GRM3: variants seen among roughly 807,000 people sequenced by gnomAD.
GRM3 encodes the protein glutamate metabotropic receptor 3, also known as metabotropic glutamate receptor 3.
GRM3 carries 26 observed loss-of-function variants against 70.5 expected under a neutral mutation model. That is an observed-to-expected ratio of 0.37 (90% CI 0.27 to 0.51). The LOEUF (loss-of-function observed/expected upper bound fraction) is 0.51, where lower values mean the gene tolerates loss of function less well. GRM3 is among the 20% of genes least tolerant of loss of function. The probability of loss-of-function intolerance (pLI) is 0.93; values close to 1 mark genes in which losing one functional copy is unlikely to be tolerated. For synonymous variants in GRM3, 443 were observed against 434.9 expected (o/e 1.02, Z -0.23); for missense variants, 859 against 1,123.8 (o/e 0.76, Z 3.37).
At chr7:86,862,773 G>A (rs1160864285) in intron 5 of GRM3, among the ~76,000 whole-genome samples, 1 of 152,166 alleles carries the variant, frequency 6.6e-6, no homozygotes, top group Non-Finnish European at 1.5e-5. Flanking sequence ...CCCAAGTATA[G>A]TGAATGCTCC....
At position 86,644,800 on chromosome 7, in the gene GRM3, C is replaced by G. The variant is rs1367697854; in HGVS notation, c.-213C>G. 24 of 1,289,496 alleles carry G rather than the reference C, an allele frequency of 1.9e-5. No individual in the cohort carries two copies. Among genetic ancestry groups the G allele is most frequent in the Non-Finnish European group, 2.4e-5 (24 of 988,692 alleles). The allele number at this position is 1,289,496 out of a possible 1,614,324, so 79.9% of individuals were successfully genotyped here. On this transcript the variant is annotated 5_prime_UTR_variant, in exon 1 of 6. Transcript: ENST00000361669. ...GAGGAGGACCAACCATGAGCCAGAGCCCGGGTGCAGGCTCACCGCCGCCGC... is the reference window on the plus strand; with the variant it reads ...GAGGAGGACCAACCATGAGCCAGAGGCCGGGTGCAGGCTCACCGCCGCCGC...
At chr7:86,816,473 C>T (rs1004911819) in intron 3 of GRM3, among the ~76,000 whole-genome samples, 4 of 151,676 alleles carry the variant, frequency 2.6e-5, no homozygotes, top group Admixed American at 6.6e-5. Context: ...AGGCCCAGTA[C>T]CTGTTGTTTT....
intron 1 of GRM3, among the ~76,000 whole-genome samples, chr7:86,761,971 A>T (rs1379687105): frequency 6.6e-6 from 1 of 152,146 alleles, no homozygotes; most frequent in Non-Finnish European, 1.5e-5. Flanking sequence ...CATTCAAAAG[A>T]TGTCTACACT....
At chr7:86,832,851 G>A (rs558128675) in intron 3 of GRM3, among the ~76,000 whole-genome samples, 74 of 152,202 alleles carry the variant, frequency 4.9e-4, no homozygotes, top group African/African-American at 1.7e-3. Flanking sequence ...AAGCTAACCC[G>A]AGAAATGATT....
chr7:86,698,552 TATTATATATATA>T (rs1253055052), intron 1 of GRM3, among the ~76,000 whole-genome samples: 2 of 140,416 alleles, frequency 1.4e-5, no homozygotes, highest in Non-Finnish European at 3.0e-5. Flanking sequence ...TACACATTAT[TATTATATATATA>T]ATTATATATA....
intron 5 of GRM3, among the ~76,000 whole-genome samples, chr7:86,860,990 C>A (rs904703421): frequency 6.6e-6 from 1 of 152,156 alleles, no homozygotes; most frequent in African/African-American, 2.4e-5. Flanking sequence ...ACACATTATT[C>A]CTCTTCAATC....
intron 1 of GRM3, among the ~76,000 whole-genome samples, chr7:86,688,506 A>G (rs1794618552): frequency 6.6e-6 from 1 of 151,672 alleles, no homozygotes; most frequent in Non-Finnish European, 1.5e-5. Flanking sequence ...CAAAAAGTTG[A>G]AAGAACTAAA....
Position 86,765,115 on chromosome 7 carries a change from G to A in GRM3, c.-31G>A. ...AGCATGACACATTGGCTCCACCATT[G>A]ATATCTCCCAGAGGTACAGAAACAG... On this transcript the variant is annotated 5_prime_UTR_variant, in exon 2 of 6. It removes the in-frame stop codon of an upstream open reading frame in the 5' UTR. Coordinates refer to ENST00000361669, the MANE Select transcript of GRM3 (RefSeq NM_000840.3). 2.0e-6 allele frequency: 3 copies of A among 1,531,760 alleles called. No individual in the cohort carries two copies. Among genetic ancestry groups the A allele is most frequent in the Non-Finnish European group, 2.6e-6 (3 of 1,146,074 alleles). The allele number at this position is 1,531,760 out of a possible 1,614,324, so 94.9% of individuals were successfully genotyped here.
At chr7:86,713,970 A>C (rs1040258634) in intron 1 of GRM3, among the ~76,000 whole-genome samples, 25 of 151,940 alleles carry the variant, frequency 1.6e-4, no homozygotes, top group African/African-American at 6.0e-4. Flanking sequence ...TGACAGGGAC[A>C]CTAAGGCAGG....
chr7:86,786,110 G>T lies in GRM3; in HGVS notation c.469-151G>T. 1 of 695,374 alleles carries T rather than the reference G, an allele frequency of 1.4e-6. No individual in the cohort carries two copies. The highest frequency in any genetic ancestry group is 2.5e-5 in the East Asian group (1 of 40,184). The allele number at this position is 695,374 out of a possible 1,614,324, so 43.1% of individuals were successfully genotyped here. ...AAATACAGTATCCAAGGAAGCATCT[G>T]GTATTCATCTCAAGAACTAACAGAA... is the stretch of plus-strand genomic sequence containing the variant. On this transcript the variant is annotated intron_variant, in intron 2 of 5. Coordinates refer to ENST00000361669, the MANE Select transcript of GRM3 (RefSeq NM_000840.3). This position sits in a 1 kb window ranked among gnomAD's most constrained non-coding sequence, Gnocchi z 6.0.
chr7:86,661,611 A>G (rs1793894850), intron 1 of GRM3, among the ~76,000 whole-genome samples: 1 of 152,008 alleles, frequency 6.6e-6, no homozygotes, highest in Non-Finnish European at 1.5e-5. Flanking sequence ...TTAGAAAAAT[A>G]TATAATTAAA....
rs190389356 is a variant in GRM3, at chr7:86,667,064, G to A, written c.-141+22192G>A. Among the ~76,000 whole-genome samples the A allele has an allele frequency of 8.2e-4, 125 of 152,236 alleles. No individual in the cohort carries two copies. In the Middle Eastern group the frequency reaches 0.02, roughly 25 times the overall value. On this transcript the variant is annotated intron_variant, in intron 1 of 5. Transcript: ENST00000361669. ...CAAGCTCAGTACCTCTGACAGGAAG[G>A]AGGCAGCAGGAAGCAACTTATCAAA...
intron 1 of GRM3, among the ~76,000 whole-genome samples, chr7:86,663,435 G>A (rs1237964587): frequency 1.3e-5 from 2 of 151,988 alleles, no homozygotes; most frequent in Non-Finnish European, 2.9e-5. Context: ...ATTGGAAGTT[G>A]CTATGGAGTA....
chr7:86,863,619 A>C (rs1798999875), intron 5 of GRM3, among the ~76,000 whole-genome samples: 2 of 152,196 alleles, frequency 1.3e-5, no homozygotes, highest in Admixed American at 1.3e-4. Context: ...TTGAACAATG[A>C]AAATATATCA....
chr7:86,723,623 G>A (rs1210937136), intron 1 of GRM3, among the ~76,000 whole-genome samples: 1 of 152,198 alleles, frequency 6.6e-6, no homozygotes, highest in African/African-American at 2.4e-5. Flanking sequence ...TTGTGATGAT[G>A]TAAGTTGTGA....
intron 1 of GRM3, among the ~76,000 whole-genome samples, chr7:86,730,858 T>C (rs1795717168): frequency 6.6e-6 from 1 of 152,224 alleles, no homozygotes; most frequent in African/African-American, 2.4e-5. Context: ...AATGGCCTTT[T>C]CTCTGCCCTC....
At chr7:86,728,158 G>A (rs1182565490) in intron 1 of GRM3, among the ~76,000 whole-genome samples, 1 of 152,036 alleles carries the variant, frequency 6.6e-6, no homozygotes, top group African/African-American at 2.4e-5. Flanking sequence ...CCAGCTCCAT[G>A]CCTGTCTCCC....
intron 2 of GRM3, among the ~76,000 whole-genome samples, chr7:86,766,733 T>A (rs948921377): frequency 1.9e-4 from 29 of 152,172 alleles, no homozygotes; most frequent in Non-Finnish European, 1.5e-5. Context: ...GTCACAGTAA[T>A]AAAAGTCCAT....
At chr7:86,702,702 G>C (rs1215394677) in intron 1 of GRM3, among the ~76,000 whole-genome samples, 1 of 151,824 alleles carries the variant, frequency 6.6e-6, no homozygotes, top group African/African-American at 2.4e-5. Flanking sequence ...TCTATCTTCA[G>C]TTTACCTCAT....
Sources: gnomAD v4.1 joint callset for allele counts (sites outside exome capture counted in the v4.1 genomes callset) on GRCh38, gnomAD v4.1.1 for gene constraint, Gnocchi (gnomAD v3.1) non-coding constraint, MANE v1.5 for transcripts, NCBI Gene and HGNC (gene_info 2026-07-23, HGNC 2026-07-21) for gene names.